TBC1D13: variants seen among roughly 807,000 people sequenced by gnomAD.
TBC1D13 encodes the protein TBC1 domain family member 13.
A neutral mutation model predicts 53.6 loss-of-function variants in TBC1D13; 40 were observed. The ratio of observed to expected loss-of-function variants is 0.75; its 90% CI spans 0.58 to 0.97. The LOEUF is 0.97. Among genes scored for constraint, TBC1D13 ranks in the 50% least tolerant of loss-of-function variants. TBC1D13 has a pLI of 0.00. For missense variants in TBC1D13, 377 were observed against 499.4 expected, an observed-to-expected ratio of 0.75 and a Z score of 2.34; for synonymous variants, 182 against 197.7, an observed-to-expected ratio of 0.92 and a Z score of 0.67.
In TBC1D13 at chr9:128,809,748, G is replaced by A. The variant is rs15676; in HGVS notation, c.*1869G>A. On this transcript the variant is annotated 3_prime_UTR_variant, in exon 12 of 12. Coordinates refer to ENST00000372648, the MANE Select transcript of TBC1D13 (RefSeq NM_018201.5). ...TGCTTCTAGGAACTGCCTGGTTTTC[G>A]AGCAGGTCCTGGCTGAGCGGGCTCT... The A allele has an allele frequency of 0.58, 88,054 of 152,004 alleles. 29,049 individuals carry two copies. The highest frequency in any genetic ancestry group is 0.72 in the Non-Finnish European group (48,855 of 67,968). 9.4% of individuals were successfully genotyped at this position (152,004 alleles called of 1,614,324 possible).
At chr9:128,796,233 C>T (rs1404630094) in intron 6 of TBC1D13, among the ~76,000 whole-genome samples, 1 of 152,060 alleles carries the variant, frequency 6.6e-6, no homozygotes, top group South Asian at 2.1e-4. Context: ...TTACAGGCAC[C>T]TCCCACTGCG....
chr9:128,804,408 ATT>A (rs775050479), intron 9 of TBC1D13, among the ~76,000 whole-genome samples: 8 of 141,250 alleles, frequency 5.7e-5, no homozygotes, highest in Non-Finnish European at 3.1e-5. Context: ...TGTTAACTTC[ATT>A]TTTTTTTTTT....
rs761286325 is a variant in TBC1D13 at position 128,806,314 on chromosome 9, A to G, written c.1137+3A>G. On this transcript the variant is annotated splice_donor_region_variant and intron_variant, in intron 11 of 11. Transcript: ENST00000372648. Reference sequence around the variant, plus strand: ...CTGTGAATATGCGGCTGCTGCAGGTAATGGGAGTTGGGGGCAGGCTCAGCC... The same window carrying G: ...CTGTGAATATGCGGCTGCTGCAGGTGATGGGAGTTGGGGGCAGGCTCAGCC... 35 of 1,613,970 alleles carry G rather than the reference A, an allele frequency of 2.2e-5. No individual in the cohort carries two copies. The highest frequency in any genetic ancestry group is 2.9e-5 in the Non-Finnish European group (34 of 1,179,998).
chr9:128,798,010 T>C (rs1829665986), intron 7 of TBC1D13, among the ~76,000 whole-genome samples: 1 of 152,172 alleles, frequency 6.6e-6, no homozygotes, highest in Non-Finnish European at 1.5e-5. Context: ...CCCAGCACTT[T>C]GGGTGGCCGA....
chr9:128,805,249 CCCT>C (rs762805317), intron 9 of TBC1D13, among the ~76,000 whole-genome samples: 4 of 152,078 alleles, frequency 2.6e-5, no homozygotes, highest in Non-Finnish European at 4.4e-5. Context: ...GAGAGAGGAG[CCCT>C]CGAGGTCAAG....
rs1829784123 is a variant in TBC1D13, at chr9:128,804,061, A to G, written c.860A>G (p.Lys287Arg). The G allele has an allele frequency of 6.2e-7, 1 of 1,614,014 alleles. No individual in the cohort carries two copies. The highest frequency in any genetic ancestry group is 1.3e-5 in the African/African-American group (1 of 74,940). ...LDDSQCGITY[K>R]MEKVYSTLKD... ...GACTCGCAGTGTGGCATCACCTACA[A>G]GATGGAGAAGGTTTACTCCACCTTG... Residue 287 changes from lysine to arginine, a missense_variant, in exon 9 of 12, where the codon AAG (lysine) becomes AGG (arginine). Lys to Arg is a conservative substitution (Grantham distance 26). Coordinates refer to ENST00000372648, the MANE Select transcript of TBC1D13 (RefSeq NM_018201.5).
Position 128,804,130 on chromosome 9 carries a change from C to G in TBC1D13, c.918+11C>G, listed in dbSNP as rs372130860. On this transcript the variant is annotated intron_variant, in intron 9 of 11. Transcript: ENST00000372648. ...CTCTACCTGAAACTGGTGAGGACCCCAGGAACAGACGGGTGGAAAGGGACA... is the reference window on the plus strand; with the variant it reads ...CTCTACCTGAAACTGGTGAGGACCCGAGGAACAGACGGGTGGAAAGGGACA... 17 of 1,612,918 alleles carry G rather than the reference C, an allele frequency of 1.1e-5. No individual in the cohort carries two copies. Among genetic ancestry groups the G allele is most frequent in the Non-Finnish European group, 1.4e-5 (17 of 1,179,536 alleles).
Position 128,792,593 on chromosome 9 carries a change from G to T in TBC1D13, c.383+19G>T, listed in dbSNP as rs1564423148. 6.2e-7 allele frequency: 1 copy of T among 1,611,754 alleles called. No homozygotes were observed. Among genetic ancestry groups the T allele is most frequent in the Non-Finnish European group, 8.5e-7 (1 of 1,178,504 alleles). ...ATGTCCGGTAGGCAGGGTGCCTGGG[G>T]CCGGGAGCTGGCCCATGGGACTTCT... is the stretch of plus-strand genomic sequence containing the variant. On this transcript the variant is annotated intron_variant, in intron 6 of 11. Transcript: ENST00000372648.
chr9:128,797,765 T>G (rs1032310370), intron 7 of TBC1D13, among the ~76,000 whole-genome samples: 1 of 152,136 alleles, frequency 6.6e-6, no homozygotes, highest in Non-Finnish European at 1.5e-5. Context: ...ATCACACTAC[T>G]GCCCTCCAGC....
At position 128,808,228 on chromosome 9, in the gene TBC1D13, TC is replaced by T. The variant is rs1408080160; in HGVS notation, c.*351del. 3.1e-6 allele frequency: 1 copy of T among 321,590 alleles called. No homozygotes were observed. Among genetic ancestry groups the T allele is most frequent in the Non-Finnish European group, 6.1e-6 (1 of 164,216 alleles). The allele number at this position is 321,590 out of a possible 1,614,324, so 19.9% of individuals were successfully genotyped here. ...GCCTCAGTTCCTGCTTCTGGTCTTC[TC>T]CTGGGCTCCACTCAGGGGAGGTGCT... On this transcript the variant is annotated 3_prime_UTR_variant, in exon 12 of 12. Transcript: ENST00000372648.
Position 128,787,363 on chromosome 9 carries a change from C to T in TBC1D13, c.10C>T (p.Leu4=), listed in dbSNP as rs2132525447. The change falls in exon 1 of 12, where the codon CTG becomes TTG. Residue 4 remains leucine (L), a synonymous_variant. Coordinates refer to ENST00000372648, the MANE Select transcript of TBC1D13 (RefSeq NM_018201.5). MSS[L]HKSRIADFQD... Reference sequence around the variant, plus strand: ...TCCGGAAGTCAACACCATGTCAAGTCTGCACAAGAGCCGGTAAGGGGCCAT... The same window carrying T: ...TCCGGAAGTCAACACCATGTCAAGTTTGCACAAGAGCCGGTAAGGGGCCAT... The T allele has an allele frequency of 7.9e-7, 1 of 1,260,436 alleles. No individual in the cohort carries two copies. Among genetic ancestry groups the T allele is most frequent in the Non-Finnish European group, 1.0e-6 (1 of 995,110 alleles). 78.1% of individuals were successfully genotyped at this position (1,260,436 alleles called of 1,614,324 possible). A position where few individuals can be genotyped will look rare whatever the true frequency, so the allele number is the denominator to read the frequency against.
chr9:128,806,417 T>C, intron 11 of TBC1D13, 106 bp downstream of exon 11: 1 of 1,331,802 alleles, frequency 7.5e-7, no homozygotes, highest in Non-Finnish European at 1.1e-6. Flanking sequence ...CAGCGGAGTG[T>C]AGTAGGGATT....
intron 2 of TBC1D13, among the ~76,000 whole-genome samples, 163 bp downstream of exon 2, chr9:128,788,570 A>T (rs1181073414): frequency 6.6e-6 from 1 of 152,168 alleles, no homozygotes; most frequent in African/African-American, 2.4e-5. Context: ...GATTCTGTAG[A>T]GCTGAACAGG....
chr9:128,807,917 C>G lies in TBC1D13; in HGVS notation c.*38C>G, dbSNP rs912815369. On this transcript the variant is annotated 3_prime_UTR_variant, in exon 12 of 12. Coordinates refer to ENST00000372648, the MANE Select transcript of TBC1D13 (RefSeq NM_018201.5). ...AGGCCCATGTTCCGGAGAGAAGCCT[C>G]CCGACCCTGTGCCCTGGCTCCCGGG... 1.2e-6 allele frequency: 2 copies of G among 1,600,326 alleles called. No homozygotes were observed. Among genetic ancestry groups the G allele is most frequent in the Admixed American group, 1.7e-5 (1 of 59,948 alleles).
Position 128,787,309 on chromosome 9 carries a change from A to G in TBC1D13, c.-45A>G, listed in dbSNP as rs753656079. 4.8e-6 allele frequency: 6 copies of G among 1,255,440 alleles called. No individual in the cohort carries two copies. Among genetic ancestry groups the G allele is most frequent in the South Asian group, 4.0e-5 (1 of 24,790 alleles). 77.8% of individuals were successfully genotyped at this position (1,255,440 alleles called of 1,614,324 possible). A position where few individuals can be genotyped will look rare whatever the true frequency, so the allele number is the denominator to read the frequency against. Reference sequence around the variant, plus strand: ...GCGGCGGCGGCAGCGCAGGCGGCAGAGGCGCAGGCGGCGGAGGCGGCTGGG... The same window carrying G: ...GCGGCGGCGGCAGCGCAGGCGGCAGGGGCGCAGGCGGCGGAGGCGGCTGGG... On this transcript the variant is annotated 5_prime_UTR_variant, in exon 1 of 12. Transcript: ENST00000372648.
At chr9:128,806,182 G>C in intron 10 of TBC1D13, 72 bp from the exon 11 acceptor site, 1 of 1,609,888 alleles carries the variant, frequency 6.2e-7, no homozygotes, top group Non-Finnish European at 8.5e-7. Flanking sequence ...AGGTGGGTAG[G>C]GAGGGAGGAG....
intron 9 of TBC1D13, 56 bp from the exon 10 acceptor site, chr9:128,805,803 C>T: frequency 6.3e-7 from 1 of 1,576,960 alleles, no homozygotes; most frequent in Non-Finnish European, 8.6e-7. Flanking sequence ...CGTGGTGCTC[C>T]ATGGCCGGCA....
intron 1 of TBC1D13, 109 bp downstream of exon 1, chr9:128,787,485 C>G: frequency 8.9e-7 from 1 of 1,125,418 alleles, no homozygotes; most frequent in Non-Finnish European, 1.1e-6. Context: ...CAGACCCCCT[C>G]GGCAGAGGGT....
At position 128,791,991 on chromosome 9, in the gene TBC1D13, G is replaced by A. The variant is rs112540211; in HGVS notation, c.300+298G>A. On this transcript the variant is annotated intron_variant, in intron 5 of 11. Transcript: ENST00000372648. Reference sequence around the variant, plus strand: ...TCCTTGAAGAAAGTCAGAGCAGGGCGGGAGGGAGGCTAAGCTGCCAGGAAG... The same window carrying A: ...TCCTTGAAGAAAGTCAGAGCAGGGCAGGAGGGAGGCTAAGCTGCCAGGAAG... Among the ~76,000 whole-genome samples the A allele has an allele frequency of 3.5e-3, 527 of 152,302 alleles. 2 individuals are homozygous for A. The highest frequency in any genetic ancestry group is 0.012 in the African/African-American group (496 of 41,566).
Sources: allele counts gnomAD v4.1 joint callset (sites outside exome capture counted in the v4.1 genomes callset), GRCh38; gene constraint gnomAD v4.1.1; transcripts MANE v1.5; gene names NCBI Gene and HGNC (gene_info 2026-07-23, HGNC 2026-07-21).